The following GPX1 variants were observed in gnomAD, a reference collection of about 807,000 sequenced individuals.
GPX1 encodes the protein GSHPx-1.
GPX1 carries 8 observed loss-of-function variants against 11.5 expected under a neutral mutation model. The observed-to-expected ratio is 0.70, with a 90% confidence interval of 0.41 to 1.25. The LOEUF is 1.25. Among genes scored for constraint, GPX1 ranks in the 50% most tolerant of loss-of-function variants. The probability of loss-of-function intolerance (pLI) is 0.01; values close to 1 mark genes in which losing one functional copy is unlikely to be tolerated. For missense variants in GPX1, 266 were observed against 284.3 expected, an observed-to-expected ratio of 0.94 and a Z score of 0.46; for synonymous variants, 142 against 127.8, an observed-to-expected ratio of 1.11 and a Z score of -0.75.
rs749519760 is a variant in GPX1, at chr3:49,358,084, G to T, written c.195C>A (p.Arg65=). The change falls in exon 1 of 2, where the codon CGC becomes CGA. Residue 65 remains arginine (R), a synonymous_variant. Transcript: ENST00000419783. ...DYTQMNELQR[R]LGPRGLVVLG... Reference sequence around the variant, plus strand: ...GCACCACCAGGCCCCGGGGTCCGAGGCGCCGCTGCAGCTCGTTCATCTGGG... The same window carrying T: ...GCACCACCAGGCCCCGGGGTCCGAGTCGCCGCTGCAGCTCGTTCATCTGGG... 1 of 1,611,452 alleles carries T rather than the reference G, an allele frequency of 6.2e-7. No individual in the cohort carries two copies. Among genetic ancestry groups the T allele is most frequent in the South Asian group, 1.1e-5 (1 of 90,936 alleles).
chr3:49,357,713 A>G lies in GPX1; in HGVS notation c.287T>C (p.Leu96Pro), dbSNP rs2047867149. ...CCCACCACCAGGCCGGACGTACTTGAGGGAATTCAGAATCTCTTCGTTCTT... is the reference window on the plus strand; with the variant it reads ...CCCACCACCAGGCCGGACGTACTTGGGGGAATTCAGAATCTCTTCGTTCTT... ...NAKNEEILNS[L>P]KYVRPGGGFE... The change falls in exon 2 of 2, where the codon CTC (leucine) becomes CCC (proline). Residue 96 changes from leucine to proline, a missense_variant. Coordinates refer to ENST00000419783, the MANE Select transcript of GPX1 (RefSeq NM_000581.4). 6.2e-7 allele frequency: 1 copy of G among 1,610,582 alleles called. No homozygotes were observed. Among genetic ancestry groups the G allele is most frequent in the Middle Eastern group, 1.7e-4 (1 of 6,054 alleles).
Position 49,357,319 on chromosome 3 carries a change from C to T in GPX1, c.*69G>A. 6.8e-7 allele frequency: 1 copy of T among 1,464,196 alleles called. No homozygotes were observed. Among genetic ancestry groups the T allele is most frequent in the African/African-American group, 1.4e-5 (1 of 71,024 alleles). 90.7% of individuals were successfully genotyped at this position (1,464,196 alleles called of 1,614,324 possible). Reference sequence around the variant, plus strand: ...CCCTCGTAGGTTTAGAGGAAACACCCTCATAGATGAAAACCCCCCCGAGAC... The same window carrying T: ...CCCTCGTAGGTTTAGAGGAAACACCTTCATAGATGAAAACCCCCCCGAGAC... On this transcript the variant is annotated 3_prime_UTR_variant, in exon 2 of 2. Transcript: ENST00000419783.
intron 1 of GPX1, 110 bp downstream of exon 1, chr3:49,357,917 G>A (rs1575634224): frequency 2.7e-6 from 4 of 1,500,206 alleles, no homozygotes; most frequent in Non-Finnish European, 3.6e-6. Flanking sequence ...AAACGAGAGA[G>A]TAGCCAGACT....
rs375013032 is a variant in GPX1 at position 49,357,582 on chromosome 3, C to A, written c.418G>T (p.Ala140Ser). 32 of 1,613,096 alleles carry A rather than the reference C, an allele frequency of 2.0e-5. No individual in the cohort carries two copies. Among genetic ancestry groups the A allele is most frequent in the Non-Finnish European group, 2.3e-5 (27 of 1,179,838 alleles). ...TTGGGGTCGGTCATAAGCGCGGTGGCGTCGTCGCTGGGAGCTGGCAGGGCC... is the reference window on the plus strand; with the variant it reads ...TTGGGGTCGGTCATAAGCGCGGTGGAGTCGTCGCTGGGAGCTGGCAGGGCC... The part of the protein sequence containing the change: ...REALPAPSDD[A>S]TALMTDPKLI... The change falls in exon 2 of 2, where the codon GCC becomes TCC. Residue 140 changes from alanine (A) to serine (S), a missense_variant. By Grantham distance (99) the Ala-to-Ser change is moderately conservative. Transcript: ENST00000419783.
rs2107818813 is a variant in GPX1, at chr3:49,357,477, G to A, written c.523C>T (p.Pro175Ser). The change falls in exon 2 of 2, where the codon CCC (proline) becomes TCC (serine). Residue 175 changes from proline (P) to serine (S), a missense_variant. By Grantham distance (74) the Pro-to-Ser change is moderately conservative. Transcript: ENST00000419783. The part of the protein sequence containing the change: ...EKFLVGPDGV[P>S]LRRYSRRFQT... ...AAGCGGCGGCTGTACCTGCGTAGGG[G>A]CACACCGTCAGGGCCCACCAGGAAC... is the stretch of plus-strand genomic sequence containing the variant. The A allele has an allele frequency of 6.2e-7, 1 of 1,613,448 alleles. No homozygotes were observed. The highest frequency in any genetic ancestry group is 8.5e-7 in the Non-Finnish European group (1 of 1,179,804).
In GPX1 at chr3:49,358,302, C is replaced by G. The variant is rs952620890; in HGVS notation, c.-24G>C. ...ATGGCGCAATTGTCCAAGAAGCCAG[C>G]GGAGCGCCCCGAACAAGCACTGTAA... On this transcript the variant is annotated 5_prime_UTR_variant, in exon 1 of 2. Transcript: ENST00000419783. The G allele has an allele frequency of 6.5e-6, 10 of 1,527,376 alleles. No homozygotes were observed. Among genetic ancestry groups the G allele is most frequent in the East Asian group, 2.5e-5 (1 of 40,492 alleles). The allele number at this position is 1,527,376 out of a possible 1,614,324, so 94.6% of individuals were successfully genotyped here. A position where few individuals can be genotyped will look rare whatever the true frequency, so the allele number is the denominator to read the frequency against.
Position 49,357,277 on chromosome 3 carries a change from TA to T in GPX1, c.*110del. ...ACCCATCTCGAGGTGGTATTTTCTG[TA>T]AGATCAGGTGTTCCTCCCTCGTAGG... On this transcript the variant is annotated 3_prime_UTR_variant, in exon 2 of 2. Coordinates refer to ENST00000419783, the MANE Select transcript of GPX1 (RefSeq NM_000581.4). 9.4e-7 allele frequency: 1 copy of T among 1,064,446 alleles called. No homozygotes were observed. Among genetic ancestry groups the T allele is most frequent in the East Asian group, 2.5e-5 (1 of 40,780 alleles). The allele number at this position is 1,064,446 out of a possible 1,614,324, so 65.9% of individuals were successfully genotyped here.
chr3:49,357,619 G>A lies in GPX1; in HGVS notation c.381C>T (p.Ala127=). The part of the protein sequence containing the change: ...VNGAGAHPLF[A]FLREALPAPS... The stretch of plus-strand genomic sequence containing the variant: ...GAGCTGGCAGGGCCTCCCGCAGGAA[G>A]GCGAAGAGAGGGTGCGCCCCCGCAC... The change falls in exon 2 of 2, where the codon GCC becomes GCT. Residue 127 remains alanine (A), a synonymous_variant. Coordinates refer to ENST00000419783, the MANE Select transcript of GPX1 (RefSeq NM_000581.4). The A allele has an allele frequency of 6.2e-7, 1 of 1,613,394 alleles. No homozygotes were observed. Among genetic ancestry groups the A allele is most frequent in the Non-Finnish European group, 8.5e-7 (1 of 1,179,930 alleles).
rs1230262405 is a variant in GPX1 at position 49,357,194 on chromosome 3, C to T, written c.*194G>A. On this transcript the variant is annotated 3_prime_UTR_variant, in exon 2 of 2. Transcript: ENST00000419783. ...CACACAGTTCTGCTGACACCCGGCA[C>T]TTTATTAGTGGGGAAACTCGCCTTG... 1.2e-5 allele frequency: 7 copies of T among 592,492 alleles called. No homozygotes were observed. The highest frequency in any genetic ancestry group is 2.1e-5 in the Non-Finnish European group (7 of 330,516). The allele number at this position is 592,492 out of a possible 1,614,324, so 36.7% of individuals were successfully genotyped here.
rs540946162 is a variant in GPX1 at position 49,357,915 on chromosome 3, G to A, written c.252+112C>T. The A allele has an allele frequency of 7.1e-5, 107 of 1,498,526 alleles. 1 individual carries two copies. The African/African-American group carries it at 1.3e-3, about 19-fold the overall frequency. The allele number at this position is 1,498,526 out of a possible 1,614,324, so 92.8% of individuals were successfully genotyped here. A position where few individuals can be genotyped will look rare whatever the true frequency, so the allele number is the denominator to read the frequency against. ...TACGAGCAACAGAAAGGAAACGAGAGAGTAGCCAGACTCTCCGCGCATGGA... is the reference window on the plus strand; with the variant it reads ...TACGAGCAACAGAAAGGAAACGAGAAAGTAGCCAGACTCTCCGCGCATGGA... On this transcript the variant is annotated intron_variant, in intron 1 of 1. Transcript: ENST00000419783.
chr3:49,358,022 C>A lies in GPX1; in HGVS notation c.252+5G>T. The A allele has an allele frequency of 6.2e-7, 1 of 1,607,784 alleles. No homozygotes were observed. The highest frequency in any genetic ancestry group is 8.5e-7 in the Non-Finnish European group (1 of 1,177,618). ...CCCCGCCCCGCCCCGCTCCGCCCGG[C>A]GCACCTGATGCCCAAACTGGTTGCA... is the stretch of plus-strand genomic sequence containing the variant. On this transcript the variant is annotated splice_donor_5th_base_variant and intron_variant, in intron 1 of 1. Transcript: ENST00000419783.
rs752729622 is a variant in GPX1, at chr3:49,357,488, G to A, written c.512C>T (p.Pro171Leu). The change falls in exon 2 of 2, where the codon CCT becomes CTT. Residue 171 changes from proline to leucine, a missense_variant. Physicochemically the swap from Pro to Leu is moderately conservative, Grantham distance 98. Coordinates refer to ENST00000419783, the MANE Select transcript of GPX1 (RefSeq NM_000581.4). The stretch of plus-strand genomic sequence containing the variant: ...GTACCTGCGTAGGGGCACACCGTCA[G>A]GGCCCACCAGGAACTTCTCAAAGTT... ...AWNFEKFLVG[P>L]DGVPLRRYSR... is the part of the protein sequence containing the mutation. 10 of 1,613,552 alleles carry A rather than the reference G, an allele frequency of 6.2e-6. No individual in the cohort carries two copies. The highest frequency in any genetic ancestry group is 8.5e-6 in the Non-Finnish European group (10 of 1,179,868).
chr3:49,357,983 T>C, intron 1 of GPX1, 44 bp downstream of exon 1: 2 of 1,515,284 alleles, frequency 1.3e-6, no homozygotes, highest in Admixed American at 1.9e-5. Flanking sequence ...CCCCAGCCAC[T>C]ACTGCACGTC....
chr3:49,358,144 C>G lies in GPX1; in HGVS notation c.135G>C (p.Val45=), dbSNP rs532569864. The G allele has an allele frequency of 1.2e-6, 2 of 1,607,218 alleles. No homozygotes were observed. Among genetic ancestry groups the G allele is most frequent in the South Asian group, 1.1e-5 (1 of 90,356 alleles). The part of the protein sequence containing the change: ...LRGKVLLIEN[V]ASLUGTTVRD... ...GGACCGTGGTGCCTCAGAGGGACGC[C>G]ACATTCTCGATAAGTAGTACCTTGC... Residue 45 remains valine (V), a synonymous_variant, in exon 1 of 2, where the codon GTG becomes GTC. Transcript: ENST00000419783.
Position 49,358,082 on chromosome 3 carries a change from A to G in GPX1, c.197T>C (p.Leu66Pro). The change falls in exon 1 of 2, where the codon CTC (leucine) becomes CCC (proline). Residue 66 changes from leucine (L) to proline (P), a missense_variant. Physicochemically the swap from Leu to Pro is moderately conservative, Grantham distance 98. Coordinates refer to ENST00000419783, the MANE Select transcript of GPX1 (RefSeq NM_000581.4). Reference sequence around the variant, plus strand: ...GAGCACCACCAGGCCCCGGGGTCCGAGGCGCCGCTGCAGCTCGTTCATCTG... The same window carrying G: ...GAGCACCACCAGGCCCCGGGGTCCGGGGCGCCGCTGCAGCTCGTTCATCTG... ...YTQMNELQRR[L>P]GPRGLVVLGF... The G allele has an allele frequency of 6.2e-7, 1 of 1,611,322 alleles. No homozygotes were observed. Among genetic ancestry groups the G allele is most frequent in the Non-Finnish European group, 8.5e-7 (1 of 1,179,554 alleles).
chr3:49,357,836 C>T (rs1367777776), intron 1 of GPX1, 89 bp from the exon 2 acceptor site: 32 of 1,529,878 alleles, frequency 2.1e-5, no homozygotes, highest in Non-Finnish European at 2.6e-5. Flanking sequence ...CTATGAGTCA[C>T]CGGGATTTTG....
chr3:49,357,592 G>A lies in GPX1; in HGVS notation c.408C>T (p.Pro136=), dbSNP rs776187348. The A allele has an allele frequency of 2.5e-5, 40 of 1,613,184 alleles. No individual in the cohort carries two copies. Among genetic ancestry groups the A allele is most frequent in the East Asian group, 4.5e-5 (2 of 44,862 alleles). The change falls in exon 2 of 2, where the codon CCC becomes CCT. Residue 136 remains proline (P), a synonymous_variant. Coordinates refer to ENST00000419783, the MANE Select transcript of GPX1 (RefSeq NM_000581.4). ...TCATAAGCGCGGTGGCGTCGTCGCT[G>A]GGAGCTGGCAGGGCCTCCCGCAGGA... is the stretch of plus-strand genomic sequence containing the variant. ...FAFLREALPA[P]SDDATALMTD... is the part of the protein sequence containing the mutation.
In GPX1 at chr3:49,358,333, G is replaced by A. The variant is rs144677609; in HGVS notation, c.-55C>T. ...GCCCCGAACAAGCACTGTAAGGGGA[G>A]GCCAGCAGGCGCCTCCTTTTAACTG... On this transcript the variant is annotated 5_prime_UTR_variant, in exon 1 of 2. Coordinates refer to ENST00000419783, the MANE Select transcript of GPX1 (RefSeq NM_000581.4). The A allele has an allele frequency of 2.5e-4, 369 of 1,472,126 alleles. 2 individuals are homozygous for A. The East Asian group carries it at 4.8e-3, about 19-fold the overall frequency. 91.2% of individuals were successfully genotyped at this position (1,472,126 alleles called of 1,614,324 possible).
rs773741158 is a variant in GPX1 at position 49,358,233 on chromosome 3, C to A, written c.46G>T (p.Val16Leu). The A allele has an allele frequency of 2.0e-6, 3 of 1,483,166 alleles. No individual in the cohort carries two copies. The highest frequency in any genetic ancestry group is 2.7e-6 in the Non-Finnish European group (3 of 1,122,956). The allele number at this position is 1,483,166 out of a possible 1,614,324, so 91.9% of individuals were successfully genotyped here. Residue 16 changes from valine (V) to leucine (L), a missense_variant, in exon 1 of 2, where the codon GTG becomes TTG. Coordinates refer to ENST00000419783, the MANE Select transcript of GPX1 (RefSeq NM_000581.4). ...AGCGGGCGCGCCGAGAAGGCATACA[C>A]CGACTGGGCCGCCGCCGCCGCCGCC... The part of the protein sequence containing the change: ...LAAAAAAAQS[V>L]YAFSARPLAG...
Sources: gnomAD v4.1 joint callset for allele counts on GRCh38, gnomAD v4.1.1 for gene constraint, MANE v1.5 for transcripts, NCBI Gene and HGNC (gene_info 2026-07-23, HGNC 2026-07-21) for gene names.